DENND4C: variants seen among roughly 807,000 people sequenced by gnomAD.
DENND4C encodes DENN domain containing 4C.
In DENND4C, 108 loss-of-function variants were observed where a neutral mutation model predicts 203.0. The observed-to-expected ratio is 0.53, with a 90% CI of 0.46 to 0.62. DENND4C has a LOEUF of 0.62. Among genes scored for constraint, DENND4C ranks in the 20% least tolerant of loss-of-function variants. DENND4C has a pLI of 0.00. For missense variants in DENND4C, 2,481 were observed against 2,301.2 expected (o/e 1.08, Z -1.60); for synonymous variants, 871 against 792.4 (o/e 1.10, Z -1.67).
intron 1 of DENND4C, among the ~76,000 whole-genome samples, chr9:19,239,967 A>C (rs1217793975): frequency 6.6e-6 from 1 of 152,166 alleles, no homozygotes; most frequent in African/African-American, 2.4e-5. Context: ...CATATTTTTA[A>C]TAATTTTCTG....
At chr9:19,252,308 T>G (rs1826825669) in intron 1 of DENND4C, among the ~76,000 whole-genome samples, 1 of 152,162 alleles carries the variant, frequency 6.6e-6, no homozygotes, top group East Asian at 1.9e-4. Context: ...GACCCTCCCC[T>G]GTGATTCAAT....
At position 19,250,531 on chromosome 9, in the gene DENND4C, A is replaced by G. The variant is rs550038975; in HGVS notation, c.-18+19698A>G. ...ACGTGAGTCGCTGCACCCGACCCCA[A>G]AGTCTTAACTCATTTTGACATTAAC... On this transcript the variant is annotated intron_variant, in intron 1 of 32. Transcript: ENST00000434457. Among the ~76,000 whole-genome samples the G allele has an allele frequency of 2.0e-5, 3 of 152,136 alleles. No homozygotes were observed. In the South Asian group the frequency reaches 6.2e-4, roughly 32 times the overall value.
chr9:19,285,085 A>AT (rs938522058), intron 2 of DENND4C, among the ~76,000 whole-genome samples: 6 of 152,042 alleles, frequency 3.9e-5, no homozygotes, highest in Non-Finnish European at 7.4e-5. Flanking sequence ...TCCAAATAAT[A>AT]TTTTTTTCCA....
chr9:19,304,935 G>A (rs1300696166), intron 9 of DENND4C, among the ~76,000 whole-genome samples: 2 of 149,538 alleles, frequency 1.3e-5, no homozygotes, highest in East Asian at 3.9e-4. Flanking sequence ...AATCCTGGAT[G>A]CTTTTAGTTG....
chr9:19,259,161 T>C (rs1284526195), intron 1 of DENND4C, among the ~76,000 whole-genome samples: 1 of 152,214 alleles, frequency 6.6e-6, no homozygotes, highest in Non-Finnish European at 1.5e-5. Context: ...ACTGTAGTCA[T>C]CCTGTTGTGC....
At chr9:19,318,087 G>A (rs1199176426) in intron 12 of DENND4C, among the ~76,000 whole-genome samples, 2 of 152,234 alleles carry the variant, frequency 1.3e-5, no homozygotes, top group Middle Eastern at 3.2e-3. Context: ...GGGAGACTAA[G>A]GCAGGCAGAT....
At chr9:19,336,208 T>C in intron 18 of DENND4C, 62 bp from the exon 19 acceptor site, 1 of 1,480,930 alleles carries the variant, frequency 6.8e-7, no homozygotes, top group Admixed American at 1.9e-5. Context: ...CACATATATG[T>C]ATGTATTTTT....
intron 30 of DENND4C, among the ~76,000 whole-genome samples, chr9:19,368,883 G>A (rs759677620): frequency 3.3e-5 from 5 of 152,156 alleles, no homozygotes; most frequent in Non-Finnish European, 5.9e-5. Context: ...AGACATGGTT[G>A]GCTCATGCTT....
chr9:19,299,647 G>T (rs968214284), intron 8 of DENND4C, among the ~76,000 whole-genome samples: 1 of 151,986 alleles, frequency 6.6e-6, no homozygotes, highest in African/African-American at 2.4e-5. Context: ...ATCATAGTAG[G>T]CTTCCTTGAT....
intron 20 of DENND4C, 66 bp from the exon 21 acceptor site, chr9:19,340,925 TG>T: frequency 5.8e-6 from 8 of 1,387,504 alleles, no homozygotes; most frequent in South Asian, 3.3e-5. Flanking sequence ...AATTTTCTTG[TG>T]ATTTTTATAT....
chr9:19,265,842 C>G (rs1044356298), intron 1 of DENND4C, among the ~76,000 whole-genome samples: 2 of 152,154 alleles, frequency 1.3e-5, no homozygotes, highest in African/African-American at 2.4e-5. Flanking sequence ...TTTTCTTAAT[C>G]CAGTCTATCA....
intron 1 of DENND4C, among the ~76,000 whole-genome samples, chr9:19,260,860 T>G (rs1203589742): frequency 6.6e-6 from 1 of 152,184 alleles, no homozygotes; most frequent in African/African-American, 2.4e-5. Flanking sequence ...CCTATGCTTT[T>G]GGGGTCGTAA....
chr9:19,250,895 G>A (rs773207324), intron 1 of DENND4C, among the ~76,000 whole-genome samples: 4 of 152,158 alleles, frequency 2.6e-5, no homozygotes, highest in African/African-American at 4.8e-5. Context: ...GCCTCCCTCC[G>A]GTGTGCTTTC....
intron 2 of DENND4C, among the ~76,000 whole-genome samples, chr9:19,285,716 C>A (rs1835070133): frequency 6.6e-6 from 1 of 151,724 alleles, no homozygotes; most frequent in South Asian, 2.1e-4. Context: ...TGATTTTGAT[C>A]CATTTTTAGT....
At chr9:19,317,469 T>C (rs1299719772) in intron 12 of DENND4C, among the ~76,000 whole-genome samples, 1 of 152,234 alleles carries the variant, frequency 6.6e-6, no homozygotes, top group Non-Finnish European at 1.5e-5. Flanking sequence ...GAGATTTTTG[T>C]TGTTATTCAG....
chr9:19,258,926 A>G (rs1828668790), intron 1 of DENND4C, among the ~76,000 whole-genome samples: 1 of 152,150 alleles, frequency 6.6e-6, no homozygotes, highest in Admixed American at 6.5e-5. Context: ...AAGTGCTGGG[A>G]TTACAGGTGT....
At chr9:19,361,454 T>A (rs148576088) in intron 29 of DENND4C, among the ~76,000 whole-genome samples, 1 of 152,150 alleles carries the variant, frequency 6.6e-6, no homozygotes, top group Non-Finnish European at 1.5e-5. Context: ...ACTCAGGCCC[T>A]AAACATATAC....
intron 1 of DENND4C, among the ~76,000 whole-genome samples, chr9:19,233,202 G>A (rs927914000): frequency 2.0e-5 from 3 of 152,108 alleles, no homozygotes; most frequent in African/African-American, 7.2e-5. Context: ...AATTTCCAGT[G>A]TAATATGTTT....
rs765129241 is a variant in DENND4C at position 19,350,711 on chromosome 9, A to G, written c.4327A>G (p.Asn1443Asp). The change falls in exon 24 of 33, where the codon AAT becomes GAT. Residue 1443 changes from asparagine to aspartate, a missense_variant. By Grantham distance (23) the Asn-to-Asp change is conservative. Around this residue, in one of 3 missense-constraint regions of DENND4C, gnomAD observed 2,289 missense variants for 2,113.3 expected, o/e 1.08. Transcript: ENST00000434457. ...YSYSDDEEET[N>D]RDYSFPAGLE... ...TTTTTTTCAATTAAAGGAAGAAACT[A>G]ATAGAGACTACAGCTTCCCAGCTGG... 4.3e-6 allele frequency: 7 copies of G among 1,609,448 alleles called. No individual in the cohort carries two copies. Among genetic ancestry groups the G allele is most frequent in the Non-Finnish European group, 5.9e-6 (7 of 1,178,780 alleles).
Sources: gnomAD v4.1 joint callset for allele counts (sites outside exome capture counted in the v4.1 genomes callset) on GRCh38, gnomAD v4.1.1 for gene constraint, gnomAD v4.1.1 regional missense constraint, MANE v1.5 for transcripts, NCBI Gene and HGNC (gene_info 2026-07-23, HGNC 2026-07-21) for gene names.